Variants in PPP2R1B observed in about 807,000 individuals in gnomAD.
PPP2R1B encodes protein phosphatase 2 scaffold subunit Abeta.
A neutral mutation model predicts 72.7 loss-of-function variants in PPP2R1B; 58 were observed. The ratio of observed to expected loss-of-function variants is 0.80; its 90% CI spans 0.65 to 0.99. PPP2R1B has a LOEUF of 0.99. PPP2R1B is among the 50% of genes least tolerant of loss of function. PPP2R1B has a pLI of 0.00. For missense variants in PPP2R1B, 695 were observed against 733.6 expected, an observed-to-expected ratio of 0.95 and a Z score of 0.61; for synonymous variants, 256 against 264.6, an observed-to-expected ratio of 0.97 and a Z score of 0.32.
downstream of PPP2R1B, chr11:111,737,826 C>G (rs1944383528): frequency 3.9e-6 from 5 of 1,289,574 alleles, no homozygotes; most frequent in South Asian, 9.2e-5. Flanking sequence ...TTCCCCACAT[C>G]CTGGTCACTG....
intron 8 of PPP2R1B, among the ~76,000 whole-genome samples, chr11:111,753,884 G>A (rs374795979): frequency 7.9e-5 from 12 of 151,860 alleles, no homozygotes; most frequent in Middle Eastern, 3.4e-3. Flanking sequence ...CTCTCAAAGC[G>A]CTGGGATTAC....
the PPP2R1B span, among the ~76,000 whole-genome samples, chr11:111,693,270 G>A: frequency 1.3e-5 from 2 of 151,626 alleles, no homozygotes; most frequent in African/African-American, 4.8e-5. Flanking sequence ...GGAGTCAGAG[G>A]TTGCAGTGAG....
At chr11:111,746,296 A>G (rs1435275968) in intron 11 of PPP2R1B, among the ~76,000 whole-genome samples, 1 of 152,192 alleles carries the variant, frequency 6.6e-6, no homozygotes, top group African/African-American at 2.4e-5. Flanking sequence ...TGCGGCCATA[A>G]AAAAGGAATG....
rs931273297 is a variant in PPP2R1B, at chr11:111,738,341, T to C, written c.*3255A>G. 3 of 985,424 alleles carry C rather than the reference T, an allele frequency of 3.0e-6. No individual in the cohort carries two copies. In the African/African-American group the frequency reaches 5.2e-5, roughly 17 times the overall value. The allele number at this position is 985,424 out of a possible 1,614,324, so 61.0% of individuals were successfully genotyped here. ...AAGGCAAGAGGACAGAACAAGCACC[T>C]GACCTGTTTGGCCACCCTGCCCTGC... is the stretch of plus-strand genomic sequence containing the variant. On this transcript the variant is annotated 3_prime_UTR_variant, in exon 15 of 15. Coordinates refer to ENST00000527614, the MANE Select transcript of PPP2R1B (RefSeq NM_002716.5).
At chr11:111,761,971 G>A (rs950276330) in intron 3 of PPP2R1B, among the ~76,000 whole-genome samples, 1 of 151,866 alleles carries the variant, frequency 6.6e-6, no homozygotes, top group South Asian at 2.1e-4. Context: ...AAAAAAAAAA[G>A]GTAAAGTACA....
the PPP2R1B span, chr11:111,719,881 C>T: frequency 2.2e-3 from 3,529 of 1,614,110 alleles, 7 homozygotes; most frequent in Non-Finnish European, 2.4e-3. Context: ...GGGCTGGAGA[C>T]AGAAGGAGAG....
At chr11:111,698,690 A>G in the PPP2R1B span, among the ~76,000 whole-genome samples, 6 of 152,350 alleles carry the variant, frequency 3.9e-5, no homozygotes, top group African/African-American at 9.6e-5. Flanking sequence ...TAGCCTGGGC[A>G]ACAGAGCAAG....
At chr11:111,725,651 G>A (rs1219545937), downstream of PPP2R1B, 7 of 152,758 alleles carry the variant, frequency 4.6e-5, no homozygotes, top group South Asian at 2.1e-4. Context: ...ACAAAGAGAG[G>A]GACTAACTGA....
At chr11:111,761,190 T>C (rs1405484217) in intron 3 of PPP2R1B, 139 bp from the exon 4 acceptor site, 2 of 798,406 alleles carry the variant, frequency 2.5e-6, no homozygotes, top group East Asian at 5.3e-5. Flanking sequence ...ATGGTTACTT[T>C]CAGCTCACAC....
chr11:111,745,147 G>A (rs1339127692), intron 11 of PPP2R1B, among the ~76,000 whole-genome samples: 2 of 149,072 alleles, frequency 1.3e-5, no homozygotes, highest in Non-Finnish European at 3.0e-5. Flanking sequence ...CGCCTCCTGG[G>A]TTCAAGCAAC....
downstream of PPP2R1B, chr11:111,726,425 T>A (rs1943968319): frequency 6.5e-6 from 1 of 153,544 alleles, no homozygotes; most frequent in Admixed American, 6.4e-5. Context: ...GCCAGGCCTA[T>A]CAGGATCCGT....
At chr11:111,726,934 T>A in exon 16 of PPP2R1B, 1 of 1,605,920 alleles carries the variant, frequency 6.2e-7, no homozygotes, top group Middle Eastern at 1.7e-4. Context: ...TGGTACTTTA[T>A]TTTTTATGTT....
At chr11:111,711,873 T>A in the PPP2R1B span, among the ~76,000 whole-genome samples, 18 of 152,332 alleles carry the variant, frequency 1.2e-4, no homozygotes, top group East Asian at 2.5e-3. Flanking sequence ...GGTATTATAT[T>A]TAAAGAAAGA....
the PPP2R1B span, chr11:111,712,371 C>T: frequency 1.2e-6 from 2 of 1,613,410 alleles, no homozygotes; most frequent in African/African-American, 2.7e-5. Flanking sequence ...GTGGACACTC[C>T]AAAGGTACGG....
At chr11:111,720,701 C>T in the PPP2R1B span, 1 of 1,613,318 alleles carries the variant, frequency 6.2e-7, no homozygotes, top group Non-Finnish European at 8.5e-7. Context: ...GAGAGGTCCA[C>T]AACAGGTCTC....
At chr11:111,750,563 A>T (rs1944863882) in intron 10 of PPP2R1B, among the ~76,000 whole-genome samples, 1 of 152,184 alleles carries the variant, frequency 6.6e-6, no homozygotes, top group South Asian at 2.1e-4. Context: ...GCCCTAAAAG[A>T]GATCACCCAT....
chr11:111,753,176 A>C (rs1308377117), intron 9 of PPP2R1B, among the ~76,000 whole-genome samples: 2 of 152,248 alleles, frequency 1.3e-5, no homozygotes, highest in Non-Finnish European at 2.9e-5. Context: ...AAGACACATT[A>C]GCTTTAAAGA....
downstream of PPP2R1B, chr11:111,737,524 C>T: frequency 6.2e-7 from 1 of 1,614,214 alleles, no homozygotes. Flanking sequence ...GGGTTCTCCA[C>T]TGTCCTTCAC....
intron 5 of PPP2R1B, among the ~76,000 whole-genome samples, chr11:111,757,760 G>A (rs868972022): frequency 3.3e-5 from 5 of 151,748 alleles, no homozygotes; most frequent in Middle Eastern, 3.4e-3. Context: ...ACTTGAACCC[G>A]GGAGGCAGGG....
Sources: gnomAD v4.1 joint callset for allele counts (sites outside exome capture counted in the v4.1 genomes callset) on GRCh38, gnomAD v4.1.1 for gene constraint, MANE v1.5 for transcripts, NCBI Gene and HGNC (gene_info 2026-07-23, HGNC 2026-07-21) for gene names.